ETFA: variants seen among roughly 807,000 people sequenced by gnomAD.
ETFA encodes electron transfer flavoprotein subunit alpha, mitochondrial.
A neutral mutation model predicts 46.2 loss-of-function variants in ETFA; 22 were observed. That is an observed-to-expected ratio of 0.48 (90% CI 0.34 to 0.68). The LOEUF is 0.68. Among genes scored for constraint, ETFA ranks in the 30% least tolerant of loss-of-function variants. ETFA has a pLI of 0.01. For synonymous variants in ETFA, 131 were observed against 139.9 expected, an observed-to-expected ratio of 0.94 and a Z score of 0.45; for missense variants, 345 against 401.1, an observed-to-expected ratio of 0.86 and a Z score of 1.19.
chr15:76,261,158 C>A lies in ETFA; in HGVS notation c.816+13254G>T, dbSNP rs62030245. 4 of 1,504,848 alleles carry A rather than the reference C, an allele frequency of 2.7e-6. No individual in the cohort carries two copies. The South Asian group carries it at 3.4e-5, about 13-fold the overall frequency. The allele number at this position is 1,504,848 out of a possible 1,614,324, so 93.2% of individuals were successfully genotyped here. A position where few individuals can be genotyped will look rare whatever the true frequency, so the allele number is the denominator to read the frequency against. On this transcript the variant is annotated intron_variant, in intron 9 of 11. Transcript: ENST00000557943. ...ACATTTAAAACAAATGGAGAGGGAG[C>A]AGGTCCCCCGATCTTCGTAGTTCCT...
At chr15:76,257,039 G>T (rs1461431681) in intron 9 of ETFA, among the ~76,000 whole-genome samples, 1 of 152,076 alleles carries the variant, frequency 6.6e-6, no homozygotes, top group Admixed American at 6.5e-5. Context: ...TATCCCTATT[G>T]TTAAGTGATG....
At chr15:76,246,574 G>C (rs1413371096) in intron 9 of ETFA, among the ~76,000 whole-genome samples, 1 of 152,196 alleles carries the variant, frequency 6.6e-6, no homozygotes, top group Non-Finnish European at 1.5e-5. Context: ...GCTCACACCT[G>C]TAATCCCAGC....
At chr15:76,307,844 G>A (rs531671784) in intron 1 of ETFA, among the ~76,000 whole-genome samples, 1 of 152,210 alleles carries the variant, frequency 6.6e-6, no homozygotes, top group South Asian at 2.1e-4. Flanking sequence ...ACAGTTTATG[G>A]TAATCTTTTA....
intron 10 of ETFA, chr15:76,228,119 G>C (rs533011249): frequency 1.0e-4 from 39 of 376,940 alleles, no homozygotes; most frequent in African/African-American, 8.0e-4. Context: ...TCTTCTAGAG[G>C]CCACTTAGTC....
At chr15:76,221,967 T>C (rs2142104975) in intron 11 of ETFA, among the ~76,000 whole-genome samples, 1 of 152,264 alleles carries the variant, frequency 6.6e-6, no homozygotes, top group African/African-American at 2.4e-5. Flanking sequence ...TAGGGAATTA[T>C]TAGTCTAACA....
At chr15:76,239,936 C>T (rs2039168214) in intron 9 of ETFA, among the ~76,000 whole-genome samples, 1 of 152,176 alleles carries the variant, frequency 6.6e-6, no homozygotes, top group African/African-American at 2.4e-5. Context: ...CTATCAACCA[C>T]TTGCATGTCA....
At chr15:76,287,474 A>G (rs749481149) in intron 5 of ETFA, among the ~76,000 whole-genome samples, 28 of 152,198 alleles carry the variant, frequency 1.8e-4, no homozygotes, top group Non-Finnish European at 3.7e-4. Flanking sequence ...GGCTAAAATG[A>G]ATTTCTTAAT....
At chr15:76,259,886 A>T in intron 9 of ETFA, 3 of 1,290,216 alleles carry the variant, frequency 2.3e-6, no homozygotes, top group Non-Finnish European at 3.4e-6. Context: ...ATGCTTCATG[A>T]AGGGCAAGAT....
chr15:76,231,868 G>A (rs1029567785), intron 9 of ETFA, among the ~76,000 whole-genome samples: 1 of 152,040 alleles, frequency 6.6e-6, no homozygotes, highest in African/African-American at 2.4e-5. Context: ...TAGTTGTTTG[G>A]CTTAGTTGTT....
At chr15:76,239,935 A>G (rs1052980921) in intron 9 of ETFA, among the ~76,000 whole-genome samples, 1 of 152,200 alleles carries the variant, frequency 6.6e-6, no homozygotes, top group Non-Finnish European at 1.5e-5. Flanking sequence ...TCTATCAACC[A>G]CTTGCATGTC....
intron 11 of ETFA, 111 bp downstream of exon 11, chr15:76,225,738 C>G: frequency 1.2e-6 from 1 of 806,172 alleles, no homozygotes; most frequent in Non-Finnish European, 2.2e-6. Flanking sequence ...CATACAAACA[C>G]AGACACACAA....
intron 2 of ETFA, among the ~76,000 whole-genome samples, chr15:76,294,571 A>T (rs948728385): frequency 2.6e-5 from 4 of 152,168 alleles, no homozygotes; most frequent in African/African-American, 9.7e-5. Flanking sequence ...ATTTTTTGAG[A>T]CACAGTCTCA....
At chr15:76,295,033 A>T (rs1182794559) in intron 2 of ETFA, among the ~76,000 whole-genome samples, 1 of 152,138 alleles carries the variant, frequency 6.6e-6, no homozygotes, top group African/African-American at 2.4e-5. Context: ...GGTGGTATAG[A>T]CCCTGCAAAT....
intron 1 of ETFA, among the ~76,000 whole-genome samples, chr15:76,297,960 C>A (rs557963678): frequency 6.6e-6 from 1 of 151,992 alleles, no homozygotes; most frequent in Non-Finnish European, 1.5e-5. Context: ...GAACCTAGAG[C>A]AGAAGAAATT....
intron 9 of ETFA, among the ~76,000 whole-genome samples, chr15:76,233,944 T>G (rs1210718311): frequency 6.6e-6 from 1 of 152,162 alleles, no homozygotes; most frequent in African/African-American, 2.4e-5. Context: ...TGATTCACTC[T>G]GGCAGTAAAC....
chr15:76,232,655 ATGT>A (rs2039080669), intron 9 of ETFA, among the ~76,000 whole-genome samples: 1 of 152,214 alleles, frequency 6.6e-6, no homozygotes, highest in Admixed American at 6.5e-5. Flanking sequence ...TCTGAAAATA[ATGT>A]TATTACCTCC....
chr15:76,281,898 T>TC (rs972935832), intron 8 of ETFA, among the ~76,000 whole-genome samples: 1 of 2,690 alleles, frequency 3.7e-4, no homozygotes, highest in African/African-American at 6.3e-4. Flanking sequence ...ACACGTATCC[T>TC]TTTTTTTTTT....
At chr15:76,276,871 C>A (rs2039597957) in intron 8 of ETFA, among the ~76,000 whole-genome samples, 1 of 152,144 alleles carries the variant, frequency 6.6e-6, no homozygotes, top group South Asian at 2.1e-4. Context: ...CATTAGAGAC[C>A]TTAGTATACT....
At chr15:76,303,685 G>C (rs1300787702) in intron 1 of ETFA, among the ~76,000 whole-genome samples, 1 of 152,032 alleles carries the variant, frequency 6.6e-6, no homozygotes, top group African/African-American at 2.4e-5. Flanking sequence ...TGGCCAACAA[G>C]CATATAAAAA....
Sources: allele counts gnomAD v4.1 joint callset (sites outside exome capture counted in the v4.1 genomes callset), GRCh38; gene constraint gnomAD v4.1.1; transcripts MANE v1.5; gene names NCBI Gene and HGNC (gene_info 2026-07-23, HGNC 2026-07-21).